NTNG1: variants seen among roughly 807,000 people sequenced by gnomAD.
The protein encoded by NTNG1 is netrin G1, also known as netrin-G1.
In NTNG1, 16 loss-of-function variants were observed where a neutral mutation model predicts 54.0. The observed-to-expected ratio is 0.30, with a 90% CI of 0.20 to 0.45. The LOEUF (loss-of-function observed/expected upper bound fraction) is 0.45, where lower values mean the gene tolerates loss of function less well. Among genes scored for constraint, NTNG1 ranks in the 20% least tolerant of loss-of-function variants. NTNG1 has a pLI of 1.00. For synonymous variants in NTNG1, 255 were observed against 263.1 expected, an observed-to-expected ratio of 0.97 and a Z score of 0.30; for missense variants, 530 against 678.7, an observed-to-expected ratio of 0.78 and a Z score of 2.43.
chr1:107,315,267 C>T (rs551775804), intron 2 of NTNG1, among the ~76,000 whole-genome samples: 1 of 152,104 alleles, frequency 6.6e-6, no homozygotes, highest in African/African-American at 2.4e-5. Flanking sequence ...CCTCGCACCC[C>T]GTATCAAGCC....
intron 2 of NTNG1, among the ~76,000 whole-genome samples, chr1:107,217,652 A>G (rs1660064072): frequency 6.6e-6 from 1 of 152,114 alleles, no homozygotes; most frequent in African/African-American, 2.4e-5. Context: ...AGGTTATATC[A>G]CTACTACTCA....
chr1:107,204,627 G>A (rs147390558), intron 2 of NTNG1, among the ~76,000 whole-genome samples: 217 of 152,196 alleles, frequency 1.4e-3, no homozygotes, highest in African/African-American at 4.7e-3. Context: ...TGAAGCAGAA[G>A]AATCACTCAG....
intron 2 of NTNG1, among the ~76,000 whole-genome samples, chr1:107,297,184 C>T (rs1666007254): frequency 8.1e-6 from 1 of 123,470 alleles, no homozygotes; most frequent in South Asian, 2.6e-4. Flanking sequence ...CATATAACAT[C>T]ATATATATAT....
intron 5 of NTNG1, among the ~76,000 whole-genome samples, chr1:107,417,149 G>T (rs941217756): frequency 2.0e-5 from 3 of 152,006 alleles, no homozygotes; most frequent in Admixed American, 6.6e-5. Flanking sequence ...TACATATTTT[G>T]CCTACATGTT....
At chr1:107,389,950 G>A (rs1672263723) in intron 3 of NTNG1, among the ~76,000 whole-genome samples, 1 of 152,170 alleles carries the variant, frequency 6.6e-6, no homozygotes, top group Admixed American at 6.5e-5. Context: ...ACAGAAGTCT[G>A]CCCTCTACAC....
intron 4 of NTNG1, among the ~76,000 whole-genome samples, chr1:107,396,110 C>T (rs142515621): frequency 2.6e-5 from 4 of 152,234 alleles, no homozygotes; most frequent in East Asian, 1.9e-4. Flanking sequence ...CAATTAACTA[C>T]CTGCAACAGC....
intron 3 of NTNG1, among the ~76,000 whole-genome samples, chr1:107,341,455 G>A (rs1352691421): frequency 6.6e-6 from 1 of 152,036 alleles, no homozygotes; most frequent in Non-Finnish European, 1.5e-5. Flanking sequence ...TACAAAGGGG[G>A]AAGAGCAAGC....
intron 2 of NTNG1, among the ~76,000 whole-genome samples, chr1:107,231,766 C>T (rs1661085456): frequency 6.6e-6 from 1 of 152,072 alleles, no homozygotes; most frequent in Admixed American, 6.6e-5. Context: ...CCTCTGTCTA[C>T]TTTAGCATCT....
At chr1:107,150,873 G>A (rs898425429) in intron 2 of NTNG1, among the ~76,000 whole-genome samples, 2 of 152,168 alleles carry the variant, frequency 1.3e-5, no homozygotes, top group African/African-American at 4.8e-5. Flanking sequence ...TCAGTCCATT[G>A]GCTAAGTGAT....
intron 6 of NTNG1, among the ~76,000 whole-genome samples, chr1:107,434,060 A>ATAAG (rs1675448064): frequency 6.6e-6 from 1 of 152,218 alleles, no homozygotes; most frequent in Admixed American, 6.5e-5. Context: ...CTTTCACAGA[A>ATAAG]TAAGGCACTA....
chr1:107,375,199 C>T (rs147166084), intron 3 of NTNG1, among the ~76,000 whole-genome samples: 4 of 152,300 alleles, frequency 2.6e-5, no homozygotes, highest in Admixed American at 2.6e-4. Flanking sequence ...CAGTACTTAG[C>T]CTTGACTCTA....
chr1:107,261,800 A>AC lies in NTNG1; in HGVS notation c.247-62480dup, dbSNP rs532229508. On this transcript the variant is annotated intron_variant, in intron 2 of 7. Coordinates refer to ENST00000370068, the MANE Select transcript of NTNG1 (RefSeq NM_001113226.3). ...GGAGCTTGCAGTGAGCTGAGATCGC[A>AC]CCACTGCACTCCAGCCTGGGCGACA... is the stretch of plus-strand genomic sequence containing the variant. Among the ~76,000 whole-genome samples, 230 of 152,286 alleles carry AC rather than the reference A, an allele frequency of 1.5e-3. 1 individual carries two copies. Among genetic ancestry groups the AC allele is most frequent in the African/African-American group, 5.4e-3 (225 of 41,560 alleles).
chr1:107,361,866 A>G (rs1670321305), intron 3 of NTNG1, among the ~76,000 whole-genome samples: 2 of 152,174 alleles, frequency 1.3e-5, no homozygotes, highest in South Asian at 2.1e-4. Context: ...TCACTTCATA[A>G]TTGTAACATC....
intron 2 of NTNG1, among the ~76,000 whole-genome samples, chr1:107,201,216 T>A (rs55808022): frequency 0.046 from 6,966 of 151,906 alleles, 162 homozygotes; most frequent in African/African-American, 0.054. Flanking sequence ...CTTGGGCAAC[T>A]ATCACTTTTA....
chr1:107,291,624 T>C (rs1276763407), intron 2 of NTNG1, among the ~76,000 whole-genome samples: 4 of 152,192 alleles, frequency 2.6e-5, no homozygotes, highest in African/African-American at 7.2e-5. Flanking sequence ...GCTTGAAATA[T>C]AGTAGAAATG....
chr1:107,234,227 AT>A (rs1238580475), intron 2 of NTNG1, among the ~76,000 whole-genome samples: 2 of 151,972 alleles, frequency 1.3e-5, no homozygotes, highest in Non-Finnish European at 2.9e-5. Context: ...GGTTCAAGCG[AT>A]TTTCCTGCCT....
chr1:107,254,180 TA>T lies in NTNG1; in HGVS notation c.247-70099del, dbSNP rs1333858387. Among the ~76,000 whole-genome samples, 10 of 152,328 alleles carry T rather than the reference TA, an allele frequency of 6.6e-5. No homozygotes were observed. In the South Asian group the frequency reaches 2.1e-3, roughly 32 times the overall value. On this transcript the variant is annotated intron_variant, in intron 2 of 7. Transcript: ENST00000370068. ...AACCAACTGAGGAAAATGTGTTCTT[TA>T]AATAAACACCTACAGTGGTGGCTAG...
Position 107,395,262 on chromosome 1 carries a change from T to C in NTNG1, c.996T>C (p.Asn332=), listed in dbSNP as rs1225985285. ...CAGACTGTGGGAAATGCAAGAAGAA[T>C]TATCAGGGCCGACCTTGGAGTCCAG... ...TGPDCGKCKK[N]YQGRPWSPGS... The change falls in exon 4 of 8, where the codon AAT becomes AAC. Residue 332 remains asparagine, a synonymous_variant. Transcript: ENST00000370068. 1 of 1,613,606 alleles carries C rather than the reference T, an allele frequency of 6.2e-7. No homozygotes were observed. Among genetic ancestry groups the C allele is most frequent in the Non-Finnish European group, 8.5e-7 (1 of 1,179,682 alleles).
intron 2 of NTNG1, among the ~76,000 whole-genome samples, chr1:107,176,942 G>T (rs890883606): frequency 2.0e-5 from 3 of 152,110 alleles, no homozygotes; most frequent in Non-Finnish European, 4.4e-5. Flanking sequence ...GGCACTAGAT[G>T]CCAGTAGCAC....
Sources: allele counts gnomAD v4.1 joint callset (sites outside exome capture counted in the v4.1 genomes callset), GRCh38; gene constraint gnomAD v4.1.1; transcripts MANE v1.5; gene names NCBI Gene and HGNC (gene_info 2026-07-23, HGNC 2026-07-21).